PCDH11X: variants seen among roughly 807,000 people sequenced by gnomAD.
The protein encoded by PCDH11X is protocadherin 11 X-linked.
Under a neutral mutation model 53.3 loss-of-function variants are expected in PCDH11X, and 18 were observed. The ratio of observed to expected loss-of-function variants is 0.34; its 90% CI spans 0.23 to 0.50. PCDH11X has a LOEUF of 0.50. PCDH11X is among the 20% of genes least tolerant of loss of function. PCDH11X has a pLI of 0.98. For missense variants in PCDH11X, 570 were observed against 1,032.4 expected (o/e 0.55, Z 6.14); for synonymous variants, 279 against 393.3 (o/e 0.71, Z 3.44).
At chrX:92,247,899 G>C (rs1331721768) in intron 7 of PCDH11X, among the ~76,000 whole-genome samples, 1 of 111,884 alleles carries the variant, frequency 8.9e-6, no homozygotes, top group African/African-American at 3.3e-5. Flanking sequence ...TGCATTATTT[G>C]AGTTGATAGT....
chrX:92,377,364 T>A (rs1349901034), intron 8 of PCDH11X, among the ~76,000 whole-genome samples: 1 of 110,455 alleles, frequency 9.1e-6, no homozygotes, highest in African/African-American at 3.3e-5. Context: ...AAATCTCTTT[T>A]AGCAATATTT....
At chrX:92,512,923 A>G (rs1200731902) in intron 10 of PCDH11X, among the ~76,000 whole-genome samples, 2 of 110,849 alleles carry the variant, frequency 1.8e-5, no homozygotes, top group African/African-American at 6.6e-5. Context: ...TACCTACCTC[A>G]TGGAAATGCT....
chrX:91,960,905 G>A (rs1475684537), intron 6 of PCDH11X, among the ~76,000 whole-genome samples: 4 of 109,108 alleles, frequency 3.7e-5, no homozygotes, highest in Non-Finnish European at 7.6e-5. Context: ...CTCTATACAT[G>A]TGGATTTATT....
chrX:91,809,013 T>G (rs1446476063), intron 1 of PCDH11X, among the ~76,000 whole-genome samples: 24 of 104,384 alleles, frequency 2.3e-4, no homozygotes, highest in African/African-American at 8.4e-4. Flanking sequence ...CAAGTAACTT[T>G]TATAATTAAG....
At chrX:92,171,468 T>C (rs1296825668) in intron 6 of PCDH11X, among the ~76,000 whole-genome samples, 1 of 110,573 alleles carries the variant, frequency 9.0e-6, no homozygotes, top group Non-Finnish European at 1.9e-5. Context: ...AAAATGATTT[T>C]TTTTCTTTTT....
chrX:92,576,133 T>C (rs1174026263), intron 10 of PCDH11X, among the ~76,000 whole-genome samples: 1 of 102,312 alleles, frequency 9.8e-6, no homozygotes, highest in Non-Finnish European at 2.0e-5. Context: ...ACTTCGTCAT[T>C]ATGCAGCGAC....
chrX:92,130,709 G>A (rs183625520), intron 6 of PCDH11X, among the ~76,000 whole-genome samples: 11 of 108,258 alleles, frequency 1.0e-4, no homozygotes, highest in Admixed American at 3.0e-4. Context: ...AAAGAAAAAA[G>A]TAGGTCTTTA....
At chrX:92,127,518 C>CTTTTTT (rs35828888) in intron 6 of PCDH11X, among the ~76,000 whole-genome samples, 1 of 88,437 alleles carries the variant, frequency 1.1e-5, no homozygotes, top group Non-Finnish European at 2.1e-5. Context: ...TTTCCCCCCA[C>CTTTTTT]TTTTTTTTTT....
In PCDH11X at chrX:91,780,125, G is replaced by T. The variant is rs369500091; in HGVS notation, c.-379+441G>T. 2.0e-3 allele frequency among the ~76,000 whole-genome samples: 220 copies of T among 111,978 alleles called. 7 individuals are homozygous for T. The South Asian group carries it at 0.068, about 35-fold the overall frequency. The stretch of plus-strand genomic sequence containing the variant: ...CTCGCCCGGCTGAGAGATTGGAGCT[G>T]AGGGGCGATGCCTCTAGCTGAGAAA... On this transcript the variant is annotated intron_variant, in intron 1 of 10. Coordinates refer to ENST00000682573, the MANE Select transcript of PCDH11X (RefSeq NM_032968.5).
At chrX:92,270,849 G>A (rs887739473) in intron 8 of PCDH11X, among the ~76,000 whole-genome samples, 18 of 112,017 alleles carry the variant, frequency 1.6e-4, no homozygotes, top group African/African-American at 5.8e-4. Context: ...TCAGTTTCTT[G>A]CATGACTCAG....
chrX:91,876,958 A>T lies in PCDH11X; in HGVS notation c.718A>T (p.Thr240Ser), dbSNP rs140764964. ...SSTAILQVSV[T>S]DTNDNHPVFK... ...TACTGCTATTTTGCAAGTGAGTGTT[A>T]CTGATACAAATGACAACCACCCAGT... Residue 240 changes from threonine to serine, a missense_variant, in exon 6 of 11, where the codon ACT becomes TCT. Transcript: ENST00000682573. The T allele has an allele frequency of 2.5e-4, 304 of 1,208,038 alleles. No individual in the cohort carries two copies. The highest frequency in any genetic ancestry group is 2.9e-4 in the Non-Finnish European group (261 of 894,818).
In PCDH11X at chrX:92,102,992, C is replaced by G. The variant is rs184778528; in HGVS notation, c.3034-98383C>G. On this transcript the variant is annotated intron_variant, in intron 6 of 10. Coordinates refer to ENST00000682573, the MANE Select transcript of PCDH11X (RefSeq NM_032968.5). ...AAGCGTGCTGTGGGATGGGATATTG[C>G]CGTTGAGCGGGGTAAGGGTGATTAG... Among the ~76,000 whole-genome samples, 75 of 110,753 alleles carry G rather than the reference C, an allele frequency of 6.8e-4. No individual in the cohort carries two copies. In the Middle Eastern group the frequency reaches 0.014, roughly 20 times the overall value.
In PCDH11X at chrX:92,563,047, G is replaced by GTTTT. The variant is rs61411325; in HGVS notation, c.3368-55186_3368-55183dup. ...GAAAAATTCCCAACTCCTTGGTACCGTTTTTTTTTTTTTTTTTTTTTTTTT... is the reference window on the plus strand; with the variant it reads ...GAAAAATTCCCAACTCCTTGGTACCGTTTTTTTTTTTTTTTTTTTTTTTTTTTTT... On this transcript the variant is annotated intron_variant, in intron 10 of 10. Coordinates refer to ENST00000682573, the MANE Select transcript of PCDH11X (RefSeq NM_032968.5). Among the ~76,000 whole-genome samples, 57 of 43,875 alleles carry GTTTT rather than the reference G, an allele frequency of 1.3e-3. 3 individuals are homozygous for GTTTT. Among genetic ancestry groups the GTTTT allele is most frequent in the Non-Finnish European group, 1.9e-3 (50 of 26,533 alleles). 38.1% of individuals were successfully genotyped at this position (43,875 alleles called of 115,157 possible). A position where few individuals can be genotyped will look rare whatever the true frequency, so the allele number is the denominator to read the frequency against.
intron 8 of PCDH11X, among the ~76,000 whole-genome samples, chrX:92,377,474 T>C (rs948343129): frequency 3.6e-5 from 4 of 111,503 alleles, no homozygotes; most frequent in Non-Finnish European, 3.8e-5. Context: ...TTATGAAGGC[T>C]GTACCAAGCA....
In PCDH11X at chrX:92,102,866, T is replaced by C. The variant is rs148524905; in HGVS notation, c.3034-98509T>C. ...TCTGAACTAACTTGTAAGGCTTGTCTGGTTTTAGGACAGGTAAAATGGGGA... is the reference window on the plus strand; with the variant it reads ...TCTGAACTAACTTGTAAGGCTTGTCCGGTTTTAGGACAGGTAAAATGGGGA... On this transcript the variant is annotated intron_variant, in intron 6 of 10. Transcript: ENST00000682573. Among the ~76,000 whole-genome samples, 874 of 111,796 alleles carry C rather than the reference T, an allele frequency of 7.8e-3. 12 individuals are homozygous for C. Among genetic ancestry groups the C allele is most frequent in the African/African-American group, 0.027 (815 of 30,703 alleles).
At chrX:92,235,651 T>G (rs2067156677) in intron 7 of PCDH11X, among the ~76,000 whole-genome samples, 1 of 111,355 alleles carries the variant, frequency 9.0e-6, no homozygotes, top group Admixed American at 9.7e-5. Context: ...TTCAAAATTA[T>G]CTTTATATTT....
intron 9 of PCDH11X, among the ~76,000 whole-genome samples, chrX:92,424,779 T>G (rs1381495388): frequency 1.0e-5 from 1 of 97,555 alleles, no homozygotes; most frequent in African/African-American, 3.3e-5. Context: ...CTGCCTTCCT[T>G]TTGTTTACCT....
chrX:92,565,707 A>G (rs1346558563), intron 10 of PCDH11X, among the ~76,000 whole-genome samples: 1 of 107,971 alleles, frequency 9.3e-6, no homozygotes, highest in Non-Finnish European at 1.9e-5. Flanking sequence ...GAAAAAACGA[A>G]TAAGACCTAC....
intron 8 of PCDH11X, among the ~76,000 whole-genome samples, chrX:92,384,840 A>G (rs2754874): frequency 0.36 from 34,740 of 97,546 alleles, 6,532 homozygotes; most frequent in Non-Finnish European, 0.45. Flanking sequence ...ATAATTACTA[A>G]TCTTGTGGCT....
Sources: allele counts gnomAD v4.1 joint callset (sites outside exome capture counted in the v4.1 genomes callset), GRCh38; gene constraint gnomAD v4.1.1; transcripts MANE v1.5; gene names NCBI Gene and HGNC (gene_info 2026-07-23, HGNC 2026-07-21).